The following CDS2 variants were observed in gnomAD, a reference collection of about 807,000 sequenced individuals.
CDS2 encodes the protein CDP-diacylglycerol synthase 2, also known as phosphatidate cytidylyltransferase 2.
A neutral mutation model predicts 59.0 loss-of-function variants in CDS2; 47 were observed. The ratio of observed to expected loss-of-function variants is 0.80; its 90% CI spans 0.63 to 1.02. CDS2 has a LOEUF of 1.02. CDS2 is among the 50% of genes least tolerant of loss of function. CDS2 has a pLI of 0.00. For missense variants in CDS2, 356 were observed against 558.9 expected (o/e 0.64, Z 3.66); for synonymous variants, 207 against 206.4 (o/e 1.00, Z -0.02).
At position 5,189,123 on chromosome 20, in the gene CDS2, C is replaced by T. The variant is rs753420710; in HGVS notation, c.1038C>T (p.Ala346=). 6.2e-7 allele frequency: 1 copy of T among 1,614,198 alleles called. No homozygotes were observed. Among genetic ancestry groups the T allele is most frequent in the African/African-American group, 1.3e-5 (1 of 75,052 alleles). ...ACAGCATCGCTCTCTCCACCTTTGC[C>T]TCGCTCATTGGCCCCTTTGGAGGAT... ...QIHSIALSTF[A]SLIGPFGGFF... is the part of the protein sequence containing the mutation. Residue 346 remains alanine, a synonymous_variant, in exon 11 of 13, where the codon GCC becomes GCT. Transcript: ENST00000460006.
intron 1 of CDS2, among the ~76,000 whole-genome samples, chr20:5,148,559 C>T (rs969404574): frequency 1.3e-5 from 2 of 152,130 alleles, no homozygotes; most frequent in African/African-American, 4.8e-5. Flanking sequence ...TTAACTCTGA[C>T]GGCTTAAAAA....
At chr20:5,134,204 C>T (rs1173874573) in intron 1 of CDS2, among the ~76,000 whole-genome samples, 1 of 152,182 alleles carries the variant, frequency 6.6e-6, no homozygotes, top group African/African-American at 2.4e-5. Context: ...CCACAAGGCG[C>T]CTTACCCAGG....
At chr20:5,188,118 G>C (rs185281313) in intron 10 of CDS2, among the ~76,000 whole-genome samples, 69 of 151,688 alleles carry the variant, frequency 4.5e-4, no homozygotes, top group African/African-American at 1.6e-3. Context: ...TATTTGACAC[G>C]GTATAATGAA....
At chr20:5,188,227 G>A (rs77949904) in intron 10 of CDS2, among the ~76,000 whole-genome samples, 3,975 of 152,170 alleles carry the variant, frequency 0.026, 58 homozygotes, top group African/African-American at 0.039. Context: ...TAAAAGATCC[G>A]TTCAAGTATA....
At chr20:5,148,209 C>T (rs1401009537) in intron 1 of CDS2, among the ~76,000 whole-genome samples, 1 of 152,150 alleles carries the variant, frequency 6.6e-6, no homozygotes, top group Non-Finnish European at 1.5e-5. Flanking sequence ...ATATCTCCTC[C>T]TTAGATGCTG....
chr20:5,163,834 A>C (rs1360837419), intron 1 of CDS2, among the ~76,000 whole-genome samples: 1 of 139,634 alleles, frequency 7.2e-6, no homozygotes, highest in African/African-American at 2.7e-5. Flanking sequence ...TCTGTCGCCC[A>C]GGCTGGAAAG....
chr20:5,144,084 G>A (rs1005604212), intron 1 of CDS2, among the ~76,000 whole-genome samples: 1 of 152,036 alleles, frequency 6.6e-6, no homozygotes, highest in African/African-American at 2.4e-5. Flanking sequence ...GTTCTTTTGG[G>A]TATATACCCA....
At chr20:5,189,612 C>A (rs1487383018) in intron 11 of CDS2, 123 bp from the exon 12 acceptor site, 3 of 694,708 alleles carry the variant, frequency 4.3e-6, no homozygotes, top group East Asian at 2.5e-5. Flanking sequence ...AGATTTCATA[C>A]TTCTCACCTT....
chr20:5,173,810 G>A lies in CDS2; in HGVS notation c.194+151G>A, dbSNP rs907450023. On this transcript the variant is annotated intron_variant, in intron 2 of 12. Transcript: ENST00000460006. ...GCCACTGCTCCAGGCTCCATTGAGTGTAATCTAGTGCTTAGCAGTGGCAGT... is the reference window on the plus strand; with the variant it reads ...GCCACTGCTCCAGGCTCCATTGAGTATAATCTAGTGCTTAGCAGTGGCAGT... 2.1e-5 allele frequency: 19 copies of A among 921,974 alleles called. No individual in the cohort carries two copies. The African/African-American group carries it at 3.0e-4, about 14-fold the overall frequency. The allele number at this position is 921,974 out of a possible 1,614,324, so 57.1% of individuals were successfully genotyped here.
At chr20:5,190,006 C>T in intron 12 of CDS2, 96 bp from the exon 13 acceptor site, 2 of 1,492,712 alleles carry the variant, frequency 1.3e-6, no homozygotes, top group Non-Finnish European at 1.8e-6. Flanking sequence ...TAATAGATAA[C>T]TCTCTGATCC....
intron 1 of CDS2, among the ~76,000 whole-genome samples, chr20:5,144,227 T>G (rs1004496054): frequency 1.3e-5 from 2 of 152,204 alleles, no homozygotes; most frequent in Admixed American, 1.3e-4. Flanking sequence ...TAAACAACTA[T>G]TGGGATCCTC....
intron 1 of CDS2, among the ~76,000 whole-genome samples, chr20:5,166,115 C>T (rs2090911892): frequency 6.6e-6 from 1 of 152,050 alleles, no homozygotes; most frequent in East Asian, 1.9e-4. Context: ...GGAGTGGACT[C>T]TAGGCTGAAG....
At position 5,190,198 on chromosome 20, in the gene CDS2, C is replaced by T. The variant is rs373419561; in HGVS notation, c.1302C>T (p.Asp434=). 6.2e-6 allele frequency: 10 copies of T among 1,614,096 alleles called. No individual in the cohort carries two copies. The South Asian group carries it at 7.7e-5, about 12-fold the overall frequency. ...IFNTLRSHLI[D]KGMLTSTTED... ...ACACGCTGCGGTCTCATCTGATCGA[C>T]AAAGGGATGCTGACATCCACCACAG... is the stretch of plus-strand genomic sequence containing the variant. Residue 434 remains aspartate, a synonymous_variant, in exon 13 of 13, where the codon GAC becomes GAT. Transcript: ENST00000460006.
intron 2 of CDS2, among the ~76,000 whole-genome samples, chr20:5,174,084 G>C (rs1378436307): frequency 6.6e-6 from 1 of 152,212 alleles, no homozygotes; most frequent in East Asian, 1.9e-4. Flanking sequence ...CATCCTTTGT[G>C]AACAGTTCCT....
chr20:5,178,710 G>C (rs890067856), intron 4 of CDS2, 107 bp from the exon 5 acceptor site: 6 of 1,146,758 alleles, frequency 5.2e-6, no homozygotes, highest in Non-Finnish European at 7.7e-6. Context: ...GGGGACTCAA[G>C]GGTGGGGGGT....
chr20:5,139,560 G>C (rs955230796), intron 1 of CDS2, among the ~76,000 whole-genome samples: 1 of 151,988 alleles, frequency 6.6e-6, no homozygotes, highest in East Asian at 1.9e-4. Flanking sequence ...TCTTTCTCTT[G>C]CCTAATTTCC....
chr20:5,181,643 G>A (rs950850118), intron 5 of CDS2, among the ~76,000 whole-genome samples: 3 of 152,130 alleles, frequency 2.0e-5, no homozygotes, highest in African/African-American at 4.8e-5. Context: ...CTATGTTCTC[G>A]GAAATGCATT....
chr20:5,134,295 G>A (rs973857057), intron 1 of CDS2, among the ~76,000 whole-genome samples: 1 of 152,170 alleles, frequency 6.6e-6, no homozygotes, highest in African/African-American at 2.4e-5. Context: ...GTAATAAGCA[G>A]TCATTCAGTA....
chr20:5,175,610 A>G (rs892188060), intron 3 of CDS2: 24 of 198,002 alleles, frequency 1.2e-4, no homozygotes, highest in Non-Finnish European at 2.5e-4. Flanking sequence ...ACATGGTGAA[A>G]CCCTGTCTCT....
Sources: gnomAD v4.1 joint callset for allele counts (sites outside exome capture counted in the v4.1 genomes callset) on GRCh38, gnomAD v4.1.1 for gene constraint, MANE v1.5 for transcripts, NCBI Gene and HGNC (gene_info 2026-07-23, HGNC 2026-07-21) for gene names.